Variants in CTXND1 observed in about 807,000 individuals in gnomAD.
The protein encoded by CTXND1 is cortexin domain containing 1.
Position 80,199,471 on chromosome 15 carries a change from G to C in CTXND1, c.*2299C>G, listed in dbSNP as rs988758792. The C allele has an allele frequency of 7.9e-5, 12 of 152,220 alleles. No homozygotes were observed. The highest frequency in any genetic ancestry group is 1.7e-4 in the African/African-American group (7 of 41,438). 9.4% of individuals were successfully genotyped at this position (152,220 alleles called of 1,614,324 possible). Reference sequence around the variant, plus strand: ...GTCTGTTATTAGCTGACTGGGAGTTGGTTCTAGTTTGCATTGTAAATGCAT... The same window carrying C: ...GTCTGTTATTAGCTGACTGGGAGTTCGTTCTAGTTTGCATTGTAAATGCAT... On this transcript the variant is annotated 3_prime_UTR_variant, in exon 3 of 3. Coordinates refer to ENST00000560778, the MANE Select transcript of CTXND1 (RefSeq NM_001352888.2).
chr15:80,212,276 A>G (rs1018554582), intron 1 of CTXND1, among the ~76,000 whole-genome samples: 1 of 152,212 alleles, frequency 6.6e-6, no homozygotes, highest in Non-Finnish European at 1.5e-5. Flanking sequence ...ATCCTTGCAC[A>G]TGAATCACTG....
intron 1 of CTXND1, among the ~76,000 whole-genome samples, chr15:80,226,678 T>C (rs1893375598): frequency 6.6e-6 from 1 of 152,196 alleles, no homozygotes; most frequent in African/African-American, 2.4e-5. Context: ...CTTCTGCTGC[T>C]CTACTAGGGA....
At chr15:80,204,245 C>T (rs1191633879) in intron 1 of CTXND1, among the ~76,000 whole-genome samples, 1 of 127,180 alleles carries the variant, frequency 7.9e-6, no homozygotes, top group African/African-American at 3.0e-5. Flanking sequence ...TATTTATAAA[C>T]TTAAAAAAAT....
At chr15:80,226,161 C>T (rs1283169842) in intron 1 of CTXND1, among the ~76,000 whole-genome samples, 1 of 152,196 alleles carries the variant, frequency 6.6e-6, no homozygotes, top group Non-Finnish European at 1.5e-5. Context: ...GAGGAAGTCC[C>T]CAATTGTCCA....
At chr15:80,205,541 T>G (rs191137826) in intron 1 of CTXND1, among the ~76,000 whole-genome samples, 14 of 152,340 alleles carry the variant, frequency 9.2e-5, no homozygotes, top group Admixed American at 7.2e-4. Context: ...TGAATAAACA[T>G]AGAAATTGAC....
intron 1 of CTXND1, among the ~76,000 whole-genome samples, chr15:80,235,200 C>CCT (rs1183781414): frequency 3.9e-5 from 6 of 152,188 alleles, no homozygotes; most frequent in African/African-American, 1.4e-4. Flanking sequence ...AAACTGGCCT[C>CCT]CTGTGTTCCT....
At chr15:80,204,199 T>TATATATACAC (rs1267164168) in intron 1 of CTXND1, among the ~76,000 whole-genome samples, 1 of 26,798 alleles carries the variant, frequency 3.7e-5, no homozygotes, top group African/African-American at 1.4e-4. Flanking sequence ...TATATATATA[T>TATATATACAC]ACACAAACAC....
chr15:80,238,754 C>T (rs546496322), intron 1 of CTXND1, among the ~76,000 whole-genome samples: 4 of 152,220 alleles, frequency 2.6e-5, no homozygotes, highest in Admixed American at 6.5e-5. Flanking sequence ...GGATTACAGG[C>T]GTGAGCCACC....
chr15:80,230,294 TAAG>T (rs1261735320), intron 1 of CTXND1, among the ~76,000 whole-genome samples: 2 of 152,192 alleles, frequency 1.3e-5, no homozygotes, highest in African/African-American at 4.8e-5. Flanking sequence ...TCTCCATTGA[TAAG>T]AAGGAGTACT....
At chr15:80,210,575 A>G (rs1893194183) in intron 1 of CTXND1, among the ~76,000 whole-genome samples, 1 of 152,198 alleles carries the variant, frequency 6.6e-6, no homozygotes, top group African/African-American at 2.4e-5. Context: ...TAGACGCTGT[A>G]TAGTGTGCGG....
chr15:80,228,285 A>C (rs75387806), intron 1 of CTXND1, among the ~76,000 whole-genome samples: 1 of 152,242 alleles, frequency 6.6e-6, no homozygotes. Context: ...TGTCAGCGTC[A>C]ACACATTGAC....
At chr15:80,212,762 T>G (rs1423468354) in intron 1 of CTXND1, among the ~76,000 whole-genome samples, 1 of 152,122 alleles carries the variant, frequency 6.6e-6, no homozygotes, top group Non-Finnish European at 1.5e-5. Context: ...CAGCTTGGAT[T>G]AAAAGGGACA....
intron 1 of CTXND1, among the ~76,000 whole-genome samples, chr15:80,209,414 A>T (rs1329058450): frequency 2.0e-5 from 3 of 152,134 alleles, no homozygotes; most frequent in African/African-American, 7.2e-5. Flanking sequence ...TAACTGCATC[A>T]TCCTTCAACA....
At chr15:80,230,267 G>C (rs987186142) in intron 1 of CTXND1, among the ~76,000 whole-genome samples, 1 of 152,184 alleles carries the variant, frequency 6.6e-6, no homozygotes, top group African/African-American at 2.4e-5. Context: ...AATGCCTCTT[G>C]GAAGGCGGGG....
chr15:80,251,681 G>A (rs1406909012), intron 1 of CTXND1, among the ~76,000 whole-genome samples: 1 of 152,168 alleles, frequency 6.6e-6, no homozygotes, highest in East Asian at 1.9e-4. Flanking sequence ...CCCGGTTTCT[G>A]AGCCCCGAGC....
chr15:80,250,090 A>C (rs1245665300), intron 1 of CTXND1, among the ~76,000 whole-genome samples: 1 of 152,220 alleles, frequency 6.6e-6, no homozygotes, highest in East Asian at 1.9e-4. Flanking sequence ...CGTCATGAAA[A>C]TAGTATTGAA....
intron 1 of CTXND1, among the ~76,000 whole-genome samples, chr15:80,250,049 T>G (rs1657960232): frequency 6.6e-6 from 1 of 152,208 alleles, no homozygotes; most frequent in Non-Finnish European, 1.5e-5. Context: ...TTAAAGGACA[T>G]TTTCCTTGAT....
At chr15:80,212,884 G>A (rs571850195) in intron 1 of CTXND1, among the ~76,000 whole-genome samples, 1 of 152,334 alleles carries the variant, frequency 6.6e-6, no homozygotes, top group African/African-American at 2.4e-5. Flanking sequence ...GGAAAAAAGG[G>A]AGGATGACTC....
chr15:80,239,147 G>A (rs961595516), intron 1 of CTXND1, among the ~76,000 whole-genome samples: 2 of 152,156 alleles, frequency 1.3e-5, no homozygotes, highest in Non-Finnish European at 2.9e-5. Context: ...GCCAGCCCTG[G>A]AGGCTCTGCC....
Sources: allele counts gnomAD v4.1 joint callset (sites outside exome capture counted in the v4.1 genomes callset), GRCh38; gene constraint gnomAD v4.1.1; transcripts MANE v1.5; gene names NCBI Gene and HGNC (gene_info 2026-07-23, HGNC 2026-07-21).